Variants in DUSP16 observed in about 807,000 individuals in gnomAD.
The protein encoded by DUSP16 is dual specificity phosphatase 16.
Under a neutral mutation model 58.3 loss-of-function variants are expected in DUSP16, and 21 were observed. The observed-to-expected ratio is 0.36, with a 90% CI of 0.26 to 0.52. DUSP16 has a LOEUF of 0.52. Ranked by LOEUF, DUSP16 falls within the 20% of genes least tolerant of loss-of-function variation. The pLI, the probability that DUSP16 is intolerant of heterozygous loss-of-function variation, is 0.94. For synonymous variants in DUSP16, 320 were observed against 323.8 expected, an observed-to-expected ratio of 0.99 and a Z score of 0.12; for missense variants, 726 against 819.0, an observed-to-expected ratio of 0.89 and a Z score of 1.39.
At chr12:12,545,723 G>A (rs999810271) in intron 1 of DUSP16, among the ~76,000 whole-genome samples, 4 of 151,920 alleles carry the variant, frequency 2.6e-5, no homozygotes, top group African/African-American at 7.3e-5. Context: ...CGTTTCCATC[G>A]CTCCAAAAAA....
At chr12:12,561,518 A>G (rs1396226254) in intron 1 of DUSP16, among the ~76,000 whole-genome samples, 1 of 152,236 alleles carries the variant, frequency 6.6e-6, no homozygotes, top group African/African-American at 2.4e-5. Flanking sequence ...GTGTAAATAA[A>G]GAAGTCACTA....
At chr12:12,557,515 G>A (rs898500214) in intron 1 of DUSP16, among the ~76,000 whole-genome samples, 1 of 151,502 alleles carries the variant, frequency 6.6e-6, no homozygotes, top group Admixed American at 6.6e-5. Flanking sequence ...AGTCACATAG[G>A]TTTCTTTTTC....
At chr12:12,542,329 C>T (rs535194830) in intron 1 of DUSP16, among the ~76,000 whole-genome samples, 6 of 148,024 alleles carry the variant, frequency 4.1e-5, no homozygotes, top group South Asian at 4.3e-4. Context: ...GCCGAGATCA[C>T]GCCATTGCAC....
At position 12,559,100 on chromosome 12, in the gene DUSP16, G is replaced by A. The variant is rs191515233; in HGVS notation, c.-366+3017C>T. On this transcript the variant is annotated intron_variant, in intron 1 of 6. Transcript: ENST00000298573. ...CACACAGCCAACCCTTGATCATCAAGGATAATGAAATGCATACAAATAACA... is the reference window on the plus strand; with the variant it reads ...CACACAGCCAACCCTTGATCATCAAAGATAATGAAATGCATACAAATAACA... 1.6e-3 allele frequency among the ~76,000 whole-genome samples: 241 copies of A among 151,984 alleles called. 4 individuals carry two copies. Among genetic ancestry groups the A allele is most frequent in the African/African-American group, 5.5e-3 (230 of 41,446 alleles).
intron 1 of DUSP16, among the ~76,000 whole-genome samples, chr12:12,552,820 G>A (rs1456169032): frequency 1.3e-4 from 19 of 151,738 alleles, no homozygotes; most frequent in African/African-American, 3.4e-4. Flanking sequence ...TCGCTCTGTC[G>A]CCCAGGCTGG....
chr12:12,488,375 C>T (rs575635564), intron 4 of DUSP16, among the ~76,000 whole-genome samples: 1 of 152,246 alleles, frequency 6.6e-6, no homozygotes, highest in Non-Finnish European at 1.5e-5. Context: ...AGTGTGTTAC[C>T]ATTAACAGAT....
intron 4 of DUSP16, among the ~76,000 whole-genome samples, chr12:12,494,724 G>A (rs984522990): frequency 2.6e-5 from 4 of 152,158 alleles, no homozygotes; most frequent in African/African-American, 9.7e-5. Context: ...ATTGAAAGAG[G>A]ATGAGCAGAG....
At chr12:12,502,603 G>A (rs1384706193) in intron 3 of DUSP16, among the ~76,000 whole-genome samples, 1 of 149,028 alleles carries the variant, frequency 6.7e-6, no homozygotes, top group Non-Finnish European at 1.5e-5. Context: ...CCAGGCTAGA[G>A]TGCGATGGCA....
intron 1 of DUSP16, among the ~76,000 whole-genome samples, chr12:12,542,770 G>C (rs559845800): frequency 6.6e-6 from 1 of 152,112 alleles, no homozygotes; most frequent in South Asian, 2.1e-4. Context: ...TGTAGAACAC[G>C]ATCCTCAATT....
Position 12,496,846 on chromosome 12 carries a change from C to A in DUSP16, c.531+3673G>T, listed in dbSNP as rs185460482. 3.3e-5 allele frequency among the ~76,000 whole-genome samples: 5 copies of A among 152,296 alleles called. No individual in the cohort carries two copies. The East Asian group carries it at 9.6e-4, about 29-fold the overall frequency. On this transcript the variant is annotated intron_variant, in intron 4 of 6. Coordinates refer to ENST00000298573, the MANE Select transcript of DUSP16 (RefSeq NM_030640.3). ...GGATGAAAGAACACACTCTGAGAAA[C>A]AAAGTACAGTTGTGAGGGAAAAGGA...
At chr12:12,544,188 G>A (rs1944605828) in intron 1 of DUSP16, among the ~76,000 whole-genome samples, 1 of 152,042 alleles carries the variant, frequency 6.6e-6, no homozygotes, top group South Asian at 2.1e-4. Flanking sequence ...CCACGAACCT[G>A]ACTTCTTATA....
intron 1 of DUSP16, among the ~76,000 whole-genome samples, chr12:12,561,375 C>G (rs1396755450): frequency 6.6e-6 from 1 of 152,176 alleles, no homozygotes; most frequent in Non-Finnish European, 1.5e-5. Flanking sequence ...TGCCTTTTCT[C>G]TGGTTCATTA....
rs12227221 is a variant in DUSP16 at position 12,518,080 on chromosome 12, A to T, written c.367+1782T>A. ...CTAAAGCACCTGTGCTAGAAACTCA[A>T]TGTGAGCTCACTCCTCTGGGGGGCT... is the stretch of plus-strand genomic sequence containing the variant. On this transcript the variant is annotated intron_variant, in intron 3 of 6. Coordinates refer to ENST00000298573, the MANE Select transcript of DUSP16 (RefSeq NM_030640.3). Among the ~76,000 whole-genome samples, 17 of 152,350 alleles carry T rather than the reference A, an allele frequency of 1.1e-4. No individual in the cohort carries two copies. The East Asian group carries it at 3.3e-3, about 29-fold the overall frequency.
In DUSP16 at chr12:12,487,124, C is replaced by T. The variant is rs1216071968; in HGVS notation, c.595G>A (p.Asp199Asn). The change falls in exon 5 of 7, where the codon GAC (aspartate) becomes AAC (asparagine). Residue 199 changes from aspartate to asparagine, a missense_variant. Physicochemically the swap from Asp to Asn is conservative, Grantham distance 23. Coordinates refer to ENST00000298573, the MANE Select transcript of DUSP16 (RefSeq NM_030640.3). Reference sequence around the variant, plus strand: ...AGGAAATGAGACTCGGGGATAAAGTCAGGCTTTGGACAGGTATTGCTGGCA... The same window carrying T: ...AGGAAATGAGACTCGGGGATAAAGTTAGGCTTTGGACAGGTATTGCTGGCA... ...LNASNTCPKP[D>N]FIPESHFLRV... The T allele has an allele frequency of 6.2e-7, 1 of 1,614,164 alleles. No individual in the cohort carries two copies. Among genetic ancestry groups the T allele is most frequent in the East Asian group, 2.2e-5 (1 of 44,888 alleles).
intron 1 of DUSP16, chr12:12,561,114 T>G (rs1944895770): frequency 6.6e-6 from 1 of 152,180 alleles, no homozygotes; most frequent in Admixed American, 6.5e-5. Flanking sequence ...AATAAAAACT[T>G]CAGAGAGTTT....
intron 6 of DUSP16, among the ~76,000 whole-genome samples, chr12:12,479,791 G>A (rs1943527682): frequency 6.6e-6 from 1 of 152,130 alleles, no homozygotes; most frequent in Non-Finnish European, 1.5e-5. Context: ...AGTTAATCTG[G>A]TTCATATTTG....
chr12:12,479,092 C>T (rs1374751523), intron 6 of DUSP16, among the ~76,000 whole-genome samples: 1 of 151,898 alleles, frequency 6.6e-6, no homozygotes, highest in Non-Finnish European at 1.5e-5. Context: ...TTTGTAACCA[C>T]TATGTTAAAA....
chr12:12,508,460 G>A (rs1293800294), intron 3 of DUSP16, among the ~76,000 whole-genome samples: 1 of 152,216 alleles, frequency 6.6e-6, no homozygotes, highest in Non-Finnish European at 1.5e-5. Flanking sequence ...CTCCTAGGAA[G>A]GTAGAGAGCA....
chr12:12,478,052 CA>C, intron 6 of DUSP16, 37 bp from the exon 7 acceptor site: 1 of 1,446,370 alleles, frequency 6.9e-7, no homozygotes, highest in Non-Finnish European at 9.4e-7. Context: ...CCGAATTTTA[CA>C]ACTACACTTT....
Sources: gnomAD v4.1 joint callset for allele counts (sites outside exome capture counted in the v4.1 genomes callset) on GRCh38, gnomAD v4.1.1 for gene constraint, MANE v1.5 for transcripts, NCBI Gene and HGNC (gene_info 2026-07-23, HGNC 2026-07-21) for gene names.